Variants in SETD1A observed in about 807,000 individuals in gnomAD.
The protein encoded by SETD1A is SET domain containing 1A, histone lysine methyltransferase.
A neutral mutation model predicts 149.9 loss-of-function variants in SETD1A; 29 were observed. The observed-to-expected ratio is 0.19, with a 90% CI of 0.14 to 0.26. SETD1A has a LOEUF of 0.26. Among genes scored for constraint, SETD1A ranks in the 10% least tolerant of loss-of-function variants. The pLI is 1.00. For missense variants in SETD1A, 2,109 were observed against 2,353.1 expected, an observed-to-expected ratio of 0.90 and a Z score of 2.15; for synonymous variants, 1,141 against 968.5, an observed-to-expected ratio of 1.18 and a Z score of -3.31.
rs375220437 is a variant in SETD1A at position 30,961,363 on chromosome 16, C to T, written c.343C>T (p.Arg115Cys). 6.0e-5 allele frequency: 97 copies of T among 1,614,054 alleles called. No individual in the cohort carries two copies. The highest frequency in any genetic ancestry group is 7.5e-5 in the Non-Finnish European group (89 of 1,180,038). ...GGAGACCTTCCTGAAGGATATGTGC[C>T]GTAAGTACGGTGAGGTGGAAGAGGT... ...VRETFLKDMC[R>C]KYGEVEEVEI... The change falls in exon 4 of 19, where the codon CGT becomes TGT. Residue 115 changes from arginine (R) to cysteine (C), a missense_variant. Coordinates refer to ENST00000262519, the MANE Select transcript of SETD1A (RefSeq NM_014712.3). This position sits in a 1 kb window ranked among gnomAD's most constrained non-coding sequence, Gnocchi z 4.0.
chr16:30,978,260 G>A (rs963926510), intron 13 of SETD1A, among the ~76,000 whole-genome samples: 3 of 135,854 alleles, frequency 2.2e-5, no homozygotes, highest in East Asian at 2.0e-4. Flanking sequence ...GCGACAGGGC[G>A]AGACCCCATC....
rs558238032 is a variant in SETD1A at position 30,959,224 on chromosome 16, G to T, written c.246+38G>T. The T allele has an allele frequency of 7.0e-6, 9 of 1,293,702 alleles. No individual in the cohort carries two copies. The East Asian group carries it at 1.6e-4, about 23-fold the overall frequency. The allele number at this position is 1,293,702 out of a possible 1,614,324, so 80.1% of individuals were successfully genotyped here. A position where few individuals can be genotyped will look rare whatever the true frequency, so the allele number is the denominator to read the frequency against. Reference sequence around the variant, plus strand: ...TGGGCTCCTGGTGTGGTAGTCCTAAGAGGGTGTGGAGGATGCGTCTTGGCA... The same window carrying T: ...TGGGCTCCTGGTGTGGTAGTCCTAATAGGGTGTGGAGGATGCGTCTTGGCA... On this transcript the variant is annotated intron_variant, in intron 3 of 18. Transcript: ENST00000262519.
In SETD1A at chr16:30,971,795, T is replaced by A. The variant is rs938368538; in HGVS notation, c.3358+76T>A. 4.0e-6 allele frequency: 6 copies of A among 1,483,120 alleles called. No individual in the cohort carries two copies. In the African/African-American group the frequency reaches 7.0e-5, roughly 17 times the overall value. The allele number at this position is 1,483,120 out of a possible 1,614,324, so 91.9% of individuals were successfully genotyped here. A position where few individuals can be genotyped will look rare whatever the true frequency, so the allele number is the denominator to read the frequency against. ...GAGAAAACAGTGGTGCTTGCATTTA[T>A]TGTGTACAAGTGTGTGACTTTATTA... On this transcript the variant is annotated intron_variant, in intron 13 of 18. Transcript: ENST00000262519.
chr16:30,978,658 G>A (rs2056317636), intron 13 of SETD1A, among the ~76,000 whole-genome samples: 1 of 152,224 alleles, frequency 6.6e-6, no homozygotes, highest in South Asian at 2.1e-4. Context: ...TTTTTAGGTT[G>A]TATCGTGTTC....
At position 30,980,039 on chromosome 16, in the gene SETD1A, G is replaced by A. The variant is rs780201772; in HGVS notation, c.4253G>A (p.Arg1418His). The A allele has an allele frequency of 3.7e-6, 5 of 1,346,852 alleles. No homozygotes were observed. Among genetic ancestry groups the A allele is most frequent in the Admixed American group, 4.1e-5 (2 of 48,646 alleles). The allele number at this position is 1,346,852 out of a possible 1,614,324, so 83.4% of individuals were successfully genotyped here. ...CCACCGCCCCGCGCCTACGAGCCACGCAGTGAGTTTGAACAGATGACCATC... is the reference window on the plus strand; with the variant it reads ...CCACCGCCCCGCGCCTACGAGCCACACAGTGAGTTTGAACAGATGACCATC... ...PPPPPRAYEPRSEFEQMTILY... is the reference protein window; with the variant it reads ...PPPPPRAYEPHSEFEQMTILY... Residue 1418 changes from arginine to histidine, a missense_variant, in exon 14 of 19, where the codon CGC (arginine) becomes CAC (histidine). By Grantham distance (29) the Arg-to-His change is conservative (BLOSUM62 0). Transcript: ENST00000262519. The surrounding 1 kb of genome is among the most constrained non-coding windows in gnomAD (Gnocchi z 7.7).
chr16:30,965,998 C>A lies in SETD1A; in HGVS notation c.2117C>A (p.Pro706His). 1.3e-6 allele frequency: 2 copies of A among 1,576,560 alleles called. No individual in the cohort carries two copies. Among genetic ancestry groups the A allele is most frequent in the South Asian group, 1.2e-5 (1 of 85,124 alleles). ...GGATTGATTGCCGCCTCAGCTGGCC[C>A]CCCCGGTGGGGCCTTTGGGGAGGCC... The part of the protein sequence containing the change: ...GKGLIAASAG[P>H]PGGAFGEAFL... Residue 706 changes from proline (P) to histidine (H), a missense_variant, in exon 8 of 19, where the codon CCC (proline) becomes CAC (histidine). Coordinates refer to ENST00000262519, the MANE Select transcript of SETD1A (RefSeq NM_014712.3).
rs143908920 is a variant in SETD1A, at chr16:30,958,788, C to T, written c.57C>T (p.Asn19=). The part of the protein sequence containing the change: ...GQKAPSFQWR[N]YKLIVDPALD... ...AGGCCCCGAGCTTCCAGTGGCGGAA[C>T]TACAAGCTCATCGTGGATCCTGCCT... Residue 19 remains asparagine, a synonymous_variant, in exon 2 of 19, where the codon AAC becomes AAT. Transcript: ENST00000262519. 5.0e-6 allele frequency: 8 copies of T among 1,614,178 alleles called. No individual in the cohort carries two copies. Among genetic ancestry groups the T allele is most frequent in the Non-Finnish European group, 6.8e-6 (8 of 1,179,990 alleles).
rs763146703 is a variant in SETD1A, at chr16:30,965,436, C to T, written c.1694C>T (p.Ser565Phe). ...GSGEPGATRE[S>F]PKANGQNQAS... ...GGGGAGCCAGGGGCTACCCGGGAGT[C>T]TCCCAAGGCAAATGGACAGAACCAG... is the stretch of plus-strand genomic sequence containing the variant. The change falls in exon 7 of 19, where the codon TCT becomes TTT. Residue 565 changes from serine (S) to phenylalanine (F), a missense_variant. Around this residue, in one of 8 missense-constraint regions of SETD1A, gnomAD observed 431 missense variants for 388.6 expected, o/e 1.11. Transcript: ENST00000262519. 4 of 1,599,854 alleles carry T rather than the reference C, an allele frequency of 2.5e-6. No individual in the cohort carries two copies. The Admixed American group carries it at 5.1e-5, about 20-fold the overall frequency.
rs773808153 is a variant in SETD1A at position 30,959,055 on chromosome 16, C to T, written c.151-36C>T. 9.8e-6 allele frequency: 15 copies of T among 1,536,338 alleles called. No homozygotes were observed. The South Asian group carries it at 1.6e-4, about 16-fold the overall frequency. On this transcript the variant is annotated intron_variant, in intron 2 of 18. Coordinates refer to ENST00000262519, the MANE Select transcript of SETD1A (RefSeq NM_014712.3). ...TTGGAGCTCCCTAGCCTGGATTCACCCTGAGCTCTCTTTCTGCTGCTGCTT... is the reference window on the plus strand; with the variant it reads ...TTGGAGCTCCCTAGCCTGGATTCACTCTGAGCTCTCTTTCTGCTGCTGCTT...
chr16:30,975,495 A>G (rs963131226), intron 13 of SETD1A, among the ~76,000 whole-genome samples: 1 of 144,958 alleles, frequency 6.9e-6, no homozygotes, highest in Non-Finnish European at 1.5e-5. Context: ...CAGTGGTGCA[A>G]TCTCGGCTCA....
rs966124384 is a variant in SETD1A at position 30,983,958 on chromosome 16, C to T, written c.5059C>T (p.Pro1687Ser). 1 of 1,614,036 alleles carries T rather than the reference C, an allele frequency of 6.2e-7. No homozygotes were observed. ...GGAGATCACCTACGACTACAAGTTCCCACTGGAAGACAACAAGATCCCGTG... is the reference window on the plus strand; with the variant it reads ...GGAGATCACCTACGACTACAAGTTCTCACTGGAAGACAACAAGATCCCGTG... Reference protein sequence around the residue: ...DEEITYDYKFPLEDNKIPCLC... With the variant: ...DEEITYDYKFSLEDNKIPCLC... Residue 1687 changes from proline to serine, a missense_variant, in exon 19 of 19, where the codon CCA (proline) becomes TCA (serine). Physicochemically the swap from Pro to Ser is moderately conservative, Grantham distance 74 (BLOSUM62 -1). Around this residue, in one of 8 missense-constraint regions of SETD1A, gnomAD observed 254 missense variants for 409.3 expected, o/e 0.62. Coordinates refer to ENST00000262519, the MANE Select transcript of SETD1A (RefSeq NM_014712.3). The surrounding 1 kb of genome is among the most constrained non-coding windows in gnomAD (Gnocchi z 6.8).
intron 10 of SETD1A, among the ~76,000 whole-genome samples, chr16:30,968,287 C>T (rs2056175508): frequency 6.6e-6 from 1 of 151,916 alleles, no homozygotes; most frequent in South Asian, 2.1e-4. Context: ...CCTGTAATCC[C>T]AGCTACTTGG....
chr16:30,976,559 G>A (rs1165202900), intron 13 of SETD1A, among the ~76,000 whole-genome samples: 2 of 152,108 alleles, frequency 1.3e-5, no homozygotes, highest in Non-Finnish European at 2.9e-5. Flanking sequence ...GGGTGGAGGA[G>A]GAAGTTGGGA....
intron 6 of SETD1A, 97 bp from the exon 7 acceptor site, chr16:30,964,515 G>A (rs2056106588): frequency 6.5e-7 from 1 of 1,532,214 alleles, no homozygotes; most frequent in East Asian, 2.3e-5. Context: ...TCTTCTTTTG[G>A]AGGGCAGCAT....
At chr16:30,981,437 C>T (rs775648046) in intron 17 of SETD1A, among the ~76,000 whole-genome samples, 2 of 152,116 alleles carry the variant, frequency 1.3e-5, no homozygotes, top group African/African-American at 2.4e-5. Flanking sequence ...TGCAGTGGTG[C>T]GATCTTGGCA....
intron 13 of SETD1A, among the ~76,000 whole-genome samples, chr16:30,975,631 A>G (rs1347577164): frequency 6.6e-6 from 1 of 151,834 alleles, no homozygotes; most frequent in African/African-American, 2.4e-5. Flanking sequence ...GGGTCTCACC[A>G]TGTTGCCCAG....
At chr16:30,975,145 C>CAA (rs773276055) in intron 13 of SETD1A, among the ~76,000 whole-genome samples, 4 of 123,570 alleles carry the variant, frequency 3.2e-5, no homozygotes, top group Non-Finnish European at 5.2e-5. Flanking sequence ...AGACTGTCTC[C>CAA]AAAAAAAAAA....
intron 5 of SETD1A, 84 bp from the exon 6 acceptor site, chr16:30,964,010 C>CCCT: frequency 9.4e-7 from 1 of 1,064,596 alleles, no homozygotes; most frequent in Non-Finnish European, 1.4e-6. Flanking sequence ...AAAAAGGGAA[C>CCCT]TAGGATTCCT....
rs1192798659 is a variant in SETD1A at position 30,965,607 on chromosome 16, C to T, written c.1726C>T (p.Pro576Ser). 4 of 1,611,604 alleles carry T rather than the reference C, an allele frequency of 2.5e-6. No homozygotes were observed. Among genetic ancestry groups the T allele is most frequent in the Non-Finnish European group, 3.4e-6 (4 of 1,179,236 alleles). ...CCCTCTTCTGCCCCCGCAGGCTTCT[C>T]CATGCTCTTCTGGAGACGACATGGA... ...PKANGQNQAS[P>S]CSSGDDMEIS... The change falls in exon 8 of 19, where the codon CCA becomes TCA. Residue 576 changes from proline (P) to serine (S), a missense_variant. Pro to Ser is a moderately conservative substitution (Grantham distance 74, BLOSUM62 -1). Coordinates refer to ENST00000262519, the MANE Select transcript of SETD1A (RefSeq NM_014712.3).
Sources: allele counts gnomAD v4.1 joint callset (sites outside exome capture counted in the v4.1 genomes callset), GRCh38; gene constraint gnomAD v4.1.1; regional missense constraint gnomAD v4.1.1; non-coding constraint Gnocchi (gnomAD v3.1); transcripts MANE v1.5; gene names NCBI Gene and HGNC (gene_info 2026-07-23, HGNC 2026-07-21).